The following MAP4K5 variants were observed in gnomAD, a reference collection of about 807,000 sequenced individuals.
MAP4K5 encodes the protein mitogen-activated protein kinase kinase kinase kinase 5.
Under a neutral mutation model 135.6 loss-of-function variants are expected in MAP4K5, and 82 were observed. The observed-to-expected ratio is 0.60, with a 90% CI of 0.51 to 0.73. The LOEUF is 0.73. Among genes scored for constraint, MAP4K5 ranks in the 30% least tolerant of loss-of-function variants. The probability of loss-of-function intolerance (pLI) is 0.00; values close to 1 mark genes in which losing one functional copy is unlikely to be tolerated. For missense variants in MAP4K5, 907 were observed against 1,010.9 expected, an observed-to-expected ratio of 0.90 and a Z score of 1.39; for synonymous variants, 347 against 335.0, an observed-to-expected ratio of 1.04 and a Z score of -0.39.
intron 9 of MAP4K5, among the ~76,000 whole-genome samples, chr14:50,474,802 T>C (rs2037058944): frequency 6.6e-6 from 1 of 152,166 alleles, no homozygotes; most frequent in East Asian, 1.9e-4. Flanking sequence ...GTAAGAAAAT[T>C]ACAGGAGGCA....
intron 14 of MAP4K5, among the ~76,000 whole-genome samples, chr14:50,454,903 T>A (rs191953792): frequency 6.6e-6 from 1 of 152,018 alleles, no homozygotes; most frequent in Non-Finnish European, 1.5e-5. Flanking sequence ...TACATATGTG[T>A]GTGTTGTGGG....
At position 50,526,582 on chromosome 14, in the gene MAP4K5, CA is replaced by C. The variant is rs544993736; in HGVS notation, c.108+5359del. 4.1e-3 allele frequency among the ~76,000 whole-genome samples: 632 copies of C among 152,352 alleles called. 2 individuals are homozygous for C. The highest frequency in any genetic ancestry group is 6.8e-3 in the Middle Eastern group (2 of 294). ...AAGTGCTAGGATTACAGGCGTGAGC[CA>C]CTGCGCCTGGCCACGTCTGTTTTCT... On this transcript the variant is annotated intron_variant, in intron 2 of 32. Transcript: ENST00000682126.
rs1249677787 is a variant in MAP4K5 at position 50,423,140 on chromosome 14, G to A, written c.2434C>T (p.Arg812Cys). ...TATTACCTGTCTGATCCTAATAAGC[G>A]GAAAACTCTTGTTTCATCTGAAATC... ...QEISDETRVF[R>C]LLGSDRVVVL... The change falls in exon 32 of 33, where the codon CGC (arginine) becomes TGC (cysteine). Residue 812 changes from arginine (R) to cysteine (C), a missense_variant. This residue lies in a region of MAP4K5 where 690 missense variants were observed against 777.4 expected (regional missense o/e 0.89). Transcript: ENST00000682126. 6 of 1,571,500 alleles carry A rather than the reference G, an allele frequency of 3.8e-6. No homozygotes were observed. The highest frequency in any genetic ancestry group is 2.7e-5 in the African/African-American group (2 of 73,940).
intron 3 of MAP4K5, among the ~76,000 whole-genome samples, chr14:50,489,220 CA>C (rs1194914714): frequency 1.3e-5 from 2 of 152,142 alleles, no homozygotes; most frequent in Non-Finnish European, 1.5e-5. Context: ...TGGTGGCATG[CA>C]CCTGTAGTCC....
At chr14:50,560,509 T>A (rs961798555) in intron 1 of MAP4K5, 2 of 634,410 alleles carry the variant, frequency 3.2e-6, no homozygotes, top group Non-Finnish European at 5.5e-6. Context: ...GGGTGAGGGC[T>A]GCAGCTTCGC....
chr14:50,441,634 G>A (rs184801509), intron 21 of MAP4K5, among the ~76,000 whole-genome samples: 4 of 152,000 alleles, frequency 2.6e-5, no homozygotes, highest in South Asian at 4.2e-4. Context: ...GCTGAGGCAC[G>A]AGGATTGCCC....
intron 2 of MAP4K5, among the ~76,000 whole-genome samples, chr14:50,515,874 G>C (rs2038024397): frequency 6.6e-6 from 1 of 151,996 alleles, no homozygotes; most frequent in South Asian, 2.1e-4. Context: ...TCCTCACTTT[G>C]CTCCAGACTC....
chr14:50,435,703 C>T (rs2036074691), intron 26 of MAP4K5, among the ~76,000 whole-genome samples: 2 of 151,968 alleles, frequency 1.3e-5, no homozygotes, highest in East Asian at 1.9e-4. Context: ...AAATGCACCT[C>T]GTTTTGGTAT....
chr14:50,518,545 C>T (rs1007342221), intron 2 of MAP4K5, among the ~76,000 whole-genome samples: 3 of 152,186 alleles, frequency 2.0e-5, no homozygotes, highest in Non-Finnish European at 4.4e-5. Context: ...GGCTTCCACA[C>T]AATTATACAG....
At chr14:50,523,370 A>AT (rs2038191328) in intron 2 of MAP4K5, among the ~76,000 whole-genome samples, 1 of 152,186 alleles carries the variant, frequency 6.6e-6, no homozygotes, top group African/African-American at 2.4e-5. Context: ...GCACCAGTCA[A>AT]TAAGGCATGG....
At chr14:50,429,487 T>G (rs1248395744) in intron 28 of MAP4K5, among the ~76,000 whole-genome samples, 1 of 152,222 alleles carries the variant, frequency 6.6e-6, no homozygotes, top group Non-Finnish European at 1.5e-5. Context: ...GTATTGCCTT[T>G]AATTAAAGCC....
intron 17 of MAP4K5, 93 bp downstream of exon 17, chr14:50,445,986 T>C: frequency 1.3e-6 from 1 of 753,750 alleles, no homozygotes. Flanking sequence ...AAAATACATT[T>C]AAGAAAATTT....
At chr14:50,464,374 T>A (rs745923497) in intron 11 of MAP4K5, among the ~76,000 whole-genome samples, 1 of 152,148 alleles carries the variant, frequency 6.6e-6, no homozygotes, top group Non-Finnish European at 1.5e-5. Flanking sequence ...CAGAAATAGA[T>A]AGGCTGTGTC....
chr14:50,489,779 C>A (rs2037441706), intron 3 of MAP4K5, among the ~76,000 whole-genome samples: 1 of 152,020 alleles, frequency 6.6e-6, no homozygotes, highest in Non-Finnish European at 1.5e-5. Flanking sequence ...AAAATGTGAA[C>A]CATGGAGACT....
intron 6 of MAP4K5, among the ~76,000 whole-genome samples, chr14:50,479,879 G>GGCCTGAAAACTTTCCCAACGCCATA (rs2037198010): frequency 6.6e-6 from 1 of 152,102 alleles, no homozygotes; most frequent in Admixed American, 6.6e-5. Context: ...CCTGTACTGT[G>GGCCTGAAAACTTTCCCAACGCCATA]GCCTGAAAAC....
chr14:50,419,842 T>TA lies in MAP4K5; in HGVS notation c.*176dup, dbSNP rs1006581188. 1.6e-5 allele frequency: 9 copies of TA among 564,630 alleles called. No homozygotes were observed. The highest frequency in any genetic ancestry group is 2.9e-5 in the Admixed American group (1 of 34,084). 35.0% of individuals were successfully genotyped at this position (564,630 alleles called of 1,614,324 possible). Reference sequence around the variant, plus strand: ...ATAACCACCACACAGTGGCAAGAGATAGACTAGCTGTTTCCAGCTGCAGAA... The same window carrying TA: ...ATAACCACCACACAGTGGCAAGAGATAAGACTAGCTGTTTCCAGCTGCAGAA... On this transcript the variant is annotated 3_prime_UTR_variant, in exon 33 of 33. Coordinates refer to ENST00000682126, the MANE Select transcript of MAP4K5 (RefSeq NM_006575.6).
Position 50,510,444 on chromosome 14 carries a change from G to A in MAP4K5, c.109-5587C>T, listed in dbSNP as rs2037907705. Among the ~76,000 whole-genome samples the A allele has an allele frequency of 3.3e-5, 5 of 152,116 alleles. No individual in the cohort carries two copies. The South Asian group carries it at 1.0e-3, about 31-fold the overall frequency. ...CTGGTATCCTAAGGCTGGATTAAGT[G>A]TGTTGTCATCTTAGCTCTACGCATG... On this transcript the variant is annotated intron_variant, in intron 2 of 32. Coordinates refer to ENST00000682126, the MANE Select transcript of MAP4K5 (RefSeq NM_006575.6).
intron 2 of MAP4K5, among the ~76,000 whole-genome samples, chr14:50,506,766 C>T (rs1177101419): frequency 6.6e-6 from 1 of 152,150 alleles, no homozygotes; most frequent in Admixed American, 6.5e-5. Context: ...AAGAGCAGGC[C>T]TTTTAACTCC....
intron 2 of MAP4K5, among the ~76,000 whole-genome samples, chr14:50,513,540 A>G (rs892080156): frequency 6.6e-6 from 1 of 152,014 alleles, no homozygotes; most frequent in African/African-American, 2.4e-5. Flanking sequence ...ATAGTAATAC[A>G]TCCTAGTATT....
Sources: allele counts gnomAD v4.1 joint callset (sites outside exome capture counted in the v4.1 genomes callset), GRCh38; gene constraint gnomAD v4.1.1; regional missense constraint gnomAD v4.1.1; transcripts MANE v1.5; gene names NCBI Gene and HGNC (gene_info 2026-07-23, HGNC 2026-07-21).